Variants in FBP2 observed in about 807,000 individuals in gnomAD.
FBP2 encodes the protein fructose-bisphosphatase 2.
In FBP2, 27 loss-of-function variants were observed where a neutral mutation model predicts 31.6. The ratio of observed to expected loss-of-function variants is 0.85; its 90% CI spans 0.63 to 1.18. The LOEUF (loss-of-function observed/expected upper bound fraction) is 1.18. FBP2 is among the 50% of genes most tolerant of loss of function. The pLI is 0.00. For synonymous variants in FBP2, 168 were observed against 179.8 expected (o/e 0.93, Z 0.53); for missense variants, 421 against 436.1 (o/e 0.97, Z 0.31).
intron 3 of FBP2, among the ~76,000 whole-genome samples, chr9:94,571,977 C>T (rs1328061987): frequency 6.6e-6 from 1 of 152,186 alleles, no homozygotes; most frequent in Non-Finnish European, 1.5e-5. Context: ...CACTCAACAG[C>T]CCTTTGGGGC....
intron 3 of FBP2, among the ~76,000 whole-genome samples, chr9:94,574,230 T>C (rs1439330518): frequency 6.6e-6 from 1 of 152,200 alleles, no homozygotes; most frequent in East Asian, 1.9e-4. Flanking sequence ...AATCTTTTGA[T>C]ACATATTGAA....
At chr9:94,579,071 G>GAAAAAAAAT (rs1564185245) in intron 3 of FBP2, among the ~76,000 whole-genome samples, 1 of 87,224 alleles carries the variant, frequency 1.1e-5, no homozygotes, top group Non-Finnish European at 2.1e-5. Context: ...AAAAAAAAAG[G>GAAAAAAAAT]TTATTTTAAA....
chr9:94,590,717 A>G (rs1827487690), intron 1 of FBP2, among the ~76,000 whole-genome samples: 1 of 152,210 alleles, frequency 6.6e-6, no homozygotes, highest in South Asian at 2.1e-4. Context: ...CAGTGTGGAA[A>G]GAGACCCAAA....
At position 94,559,126 on chromosome 9, in the gene FBP2, G is replaced by A; in HGVS notation, c.832C>T (p.Leu278Phe). ...NQKSPKGKLR[L>F]LYECNPVAYI... ...GCCACGGGATTGCATTCATACAGGA[G>A]CCGGAGCTGTGGAGGAACAGAGGCA... The change falls in exon 7 of 7, where the codon CTC (leucine) becomes TTC (phenylalanine). Residue 278 changes from leucine to phenylalanine, a missense_variant. Coordinates refer to ENST00000375337, the MANE Select transcript of FBP2 (RefSeq NM_003837.4). The A allele has an allele frequency of 6.2e-7, 1 of 1,610,198 alleles. No individual in the cohort carries two copies. The highest frequency in any genetic ancestry group is 8.5e-7 in the Non-Finnish European group (1 of 1,177,680).
At chr9:94,583,788 G>A (rs970473143) in intron 3 of FBP2, among the ~76,000 whole-genome samples, 1 of 152,120 alleles carries the variant, frequency 6.6e-6, no homozygotes, top group East Asian at 1.9e-4. Flanking sequence ...TAGTAGAGAC[G>A]GGGTTTCACC....
intron 5 of FBP2, among the ~76,000 whole-genome samples, chr9:94,566,287 T>C (rs1392852185): frequency 2.0e-5 from 3 of 152,252 alleles, no homozygotes; most frequent in Non-Finnish European, 4.4e-5. Flanking sequence ...ATGGTCTTAA[T>C]GCCCACGCTG....
At chr9:94,583,012 C>T (rs1018201651) in intron 3 of FBP2, among the ~76,000 whole-genome samples, 1 of 151,928 alleles carries the variant, frequency 6.6e-6, no homozygotes, top group Non-Finnish European at 1.5e-5. Context: ...CGCCACTATG[C>T]CCAGCTAATT....
At chr9:94,572,321 C>T (rs1312715085) in intron 3 of FBP2, among the ~76,000 whole-genome samples, 1 of 152,116 alleles carries the variant, frequency 6.6e-6, no homozygotes, top group African/African-American at 2.4e-5. Context: ...CCGTCTCCCA[C>T]GACACACACA....
chr9:94,572,577 G>A lies in FBP2; in HGVS notation c.427-975C>T, dbSNP rs73531449. On this transcript the variant is annotated intron_variant, in intron 3 of 6. Coordinates refer to ENST00000375337, the MANE Select transcript of FBP2 (RefSeq NM_003837.4). ...AGCTCCCAACACATTTTCATTCACG[G>A]GCTTAGTGTCTGACTTCCCAGCTAG... Among the ~76,000 whole-genome samples the A allele has an allele frequency of 7.9e-3, 1,203 of 152,226 alleles. 19 individuals are homozygous for A. The highest frequency in any genetic ancestry group is 0.027 in the African/African-American group (1,124 of 41,512).
intron 5 of FBP2, among the ~76,000 whole-genome samples, chr9:94,565,659 G>A (rs116490880): frequency 3.3e-3 from 494 of 147,620 alleles, no homozygotes; most frequent in African/African-American, 0.012. Context: ...AGAGACAGGT[G>A]TTTCTACTCT....
chr9:94,591,500 G>A (rs1827503046), intron 1 of FBP2, among the ~76,000 whole-genome samples: 1 of 152,202 alleles, frequency 6.6e-6, no homozygotes, highest in African/African-American at 2.4e-5. Flanking sequence ...GCCGCACGCA[G>A]CCCCAGTTCC....
At chr9:94,582,357 T>C (rs200253665) in intron 3 of FBP2, among the ~76,000 whole-genome samples, 722 of 61,030 alleles carry the variant, frequency 0.012, 18 homozygotes, top group East Asian at 0.12. Flanking sequence ...TGTGCGTGTG[T>C]GTGTGTGTGT....
At chr9:94,593,409 A>C (rs964890414) in intron 1 of FBP2, 148 bp downstream of exon 1, 29 of 659,366 alleles carry the variant, frequency 4.4e-5, no homozygotes, top group Non-Finnish European at 6.2e-5. Flanking sequence ...CAAAGCACAC[A>C]TGATAGGAAC....
chr9:94,575,226 A>G (rs1827305006), intron 3 of FBP2, among the ~76,000 whole-genome samples: 1 of 152,174 alleles, frequency 6.6e-6, no homozygotes, highest in South Asian at 2.1e-4. Flanking sequence ...TTTATATAAC[A>G]TTTCCAGCAA....
At chr9:94,591,493 G>A (rs1292695177) in intron 1 of FBP2, among the ~76,000 whole-genome samples, 4 of 152,190 alleles carry the variant, frequency 2.6e-5, no homozygotes, top group Non-Finnish European at 5.9e-5. Context: ...CGCAAGCGCC[G>A]CACGCAGCCC....
chr9:94,584,725 G>T, intron 2 of FBP2, 56 bp from the exon 3 acceptor site: 2 of 1,090,066 alleles, frequency 1.8e-6, no homozygotes, highest in South Asian at 1.3e-5. Flanking sequence ...TAGCACAATT[G>T]CTCTGTGTCA....
At chr9:94,584,247 G>T (rs573930285) in intron 3 of FBP2, among the ~76,000 whole-genome samples, 1 of 152,206 alleles carries the variant, frequency 6.6e-6, no homozygotes, top group East Asian at 1.9e-4. Flanking sequence ...TGAGGCAAGA[G>T]GGGGAGAGGA....
intron 5 of FBP2, among the ~76,000 whole-genome samples, chr9:94,563,733 CAAAG>C (rs546935167): frequency 4.2e-4 from 64 of 151,824 alleles, no homozygotes; most frequent in African/African-American, 1.5e-3. Flanking sequence ...GCTAAACAAA[CAAAG>C]AAAAAGGAAG....
At position 94,562,493 on chromosome 9, in the gene FBP2, C is replaced by T. The variant is rs557025667; in HGVS notation, c.825+849G>A. On this transcript the variant is annotated intron_variant, in intron 6 of 6. Coordinates refer to ENST00000375337, the MANE Select transcript of FBP2 (RefSeq NM_003837.4). ...TGAAGAGAAACACCTGATACACCAA[C>T]CTATTAAAATCTCTCTGGCTTCATG... Among the ~76,000 whole-genome samples, 8 of 152,148 alleles carry T rather than the reference C, an allele frequency of 5.3e-5. No homozygotes were observed. The East Asian group carries it at 1.2e-3, about 22-fold the overall frequency.
Sources: gnomAD v4.1 joint callset for allele counts (sites outside exome capture counted in the v4.1 genomes callset) on GRCh38, gnomAD v4.1.1 for gene constraint, MANE v1.5 for transcripts, NCBI Gene and HGNC (gene_info 2026-07-23, HGNC 2026-07-21) for gene names.